Variants in NELL1 observed in about 807,000 individuals in gnomAD.
NELL1 encodes protein kinase C-binding protein NELL1.
NELL1 carries 76 observed loss-of-function variants against 107.4 expected under a neutral mutation model. The ratio of observed to expected loss-of-function variants is 0.71; its 90% CI spans 0.59 to 0.86. The LOEUF (loss-of-function observed/expected upper bound fraction) is 0.86. Ranked by LOEUF, NELL1 falls within the 40% of genes least tolerant of loss-of-function variation. The probability of loss-of-function intolerance (pLI) is 0.00; values close to 1 mark genes in which losing one functional copy is unlikely to be tolerated. For missense variants in NELL1, 1,024 were observed against 1,005.5 expected (o/e 1.02, Z -0.25); for synonymous variants, 353 against 341.2 (o/e 1.03, Z -0.38).
intron 12 of NELL1, among the ~76,000 whole-genome samples, chr11:21,085,935 G>A (rs1854381356): frequency 6.6e-6 from 1 of 152,216 alleles, no homozygotes; most frequent in South Asian, 2.1e-4. Flanking sequence ...TGAACTTTGA[G>A]GAATGAGTTG....
intron 12 of NELL1, among the ~76,000 whole-genome samples, chr11:21,048,711 G>A (rs533378316): frequency 6.6e-6 from 1 of 152,260 alleles, no homozygotes; most frequent in East Asian, 1.9e-4. Flanking sequence ...ACTACCTTAC[G>A]ATTCTTAGGC....
chr11:21,234,452 G>T (rs1369373531), intron 14 of NELL1, among the ~76,000 whole-genome samples: 1 of 152,156 alleles, frequency 6.6e-6, no homozygotes, highest in Non-Finnish European at 1.5e-5. Context: ...TCCCTGACCA[G>T]TGCACCATGA....
intron 9 of NELL1, among the ~76,000 whole-genome samples, chr11:20,933,981 T>C (rs1850671005): frequency 6.6e-6 from 1 of 152,236 alleles, no homozygotes; most frequent in Non-Finnish European, 1.5e-5. Context: ...ACCAGTGTGA[T>C]ATGAAGAGCT....
rs532137161 is a variant in NELL1 at position 20,800,907 on chromosome 11, G to A, written c.335+17077G>A. Reference sequence around the variant, plus strand: ...CAGGCCATAGTTGGCTTGTAGAAGGGCTTTCCTTGGTTGTGATGGCTTCCA... The same window carrying A: ...CAGGCCATAGTTGGCTTGTAGAAGGACTTTCCTTGGTTGTGATGGCTTCCA... On this transcript the variant is annotated intron_variant, in intron 3 of 19. Coordinates refer to ENST00000357134, the MANE Select transcript of NELL1 (RefSeq NM_006157.5). 6.7e-4 allele frequency among the ~76,000 whole-genome samples: 102 copies of A among 152,190 alleles called. No homozygotes were observed. The South Asian group carries it at 0.021, about 31-fold the overall frequency.
intron 16 of NELL1, 101 bp from the exon 17 acceptor site, chr11:21,560,088 A>C: frequency 9.1e-7 from 1 of 1,102,340 alleles, no homozygotes. Flanking sequence ...AGCACAAGGT[A>C]AATGGTCGAT....
chr11:20,701,893 G>T (rs1854800763), intron 2 of NELL1, among the ~76,000 whole-genome samples: 1 of 152,168 alleles, frequency 6.6e-6, no homozygotes, highest in Admixed American at 6.6e-5. Flanking sequence ...CCAGTACCAT[G>T]CTGTTTTGGT....
At chr11:20,781,511 T>C (rs969980944) in intron 2 of NELL1, among the ~76,000 whole-genome samples, 2 of 152,170 alleles carry the variant, frequency 1.3e-5, no homozygotes, top group Admixed American at 6.5e-5. Context: ...TGATAGGATA[T>C]TCATATCCAT....
chr11:21,367,143 A>G (rs1449602843), intron 14 of NELL1, among the ~76,000 whole-genome samples: 1 of 152,030 alleles, frequency 6.6e-6, no homozygotes, highest in African/African-American at 2.4e-5. Context: ...GCACAATGAA[A>G]AGAGTTCTTT....
At chr11:21,155,876 G>T (rs895664344) in intron 13 of NELL1, among the ~76,000 whole-genome samples, 17 of 152,160 alleles carry the variant, frequency 1.1e-4, no homozygotes, top group Non-Finnish European at 8.8e-5. Flanking sequence ...ATACCTTTAG[G>T]TGAAGACAAG....
chr11:20,889,954 A>G (rs963322436), intron 5 of NELL1, among the ~76,000 whole-genome samples: 9 of 152,172 alleles, frequency 5.9e-5, no homozygotes, highest in Admixed American at 3.9e-4. Context: ...CGGGCAGTCT[A>G]GACGAGTAGG....
intron 15 of NELL1, among the ~76,000 whole-genome samples, chr11:21,516,165 T>C (rs1855556719): frequency 6.6e-6 from 1 of 152,188 alleles, no homozygotes; most frequent in South Asian, 2.1e-4. Flanking sequence ...TGCACCATTC[T>C]GTGGCCTTGG....
intron 14 of NELL1, among the ~76,000 whole-genome samples, chr11:21,246,090 G>A (rs1245529073): frequency 6.6e-6 from 1 of 152,016 alleles, no homozygotes; most frequent in Non-Finnish European, 1.5e-5. Flanking sequence ...ATACCTGCAA[G>A]CCCACCCATA....
chr11:20,849,863 A>G (rs1412333397), intron 4 of NELL1, among the ~76,000 whole-genome samples: 1 of 152,216 alleles, frequency 6.6e-6, no homozygotes, highest in African/African-American at 2.4e-5. Context: ...TATTAAAAAA[A>G]TGGATAACCA....
Position 20,783,738 on chromosome 11 carries a change from C to G in NELL1, c.243C>G (p.Phe81Leu). 6.2e-7 allele frequency: 1 copy of G among 1,613,894 alleles called. No homozygotes were observed. Among genetic ancestry groups the G allele is most frequent in the Admixed American group, 1.7e-5 (1 of 60,004 alleles). The change falls in exon 3 of 20, where the codon TTC becomes TTG. Residue 81 changes from phenylalanine (F) to leucine (L), a missense_variant. Phe to Leu is a conservative substitution (Grantham distance 22). Transcript: ENST00000357134. The part of the protein sequence containing the change: ...PHVSEKLIQL[F>L]RNKSEFTILA... ...TGAGTGAGAAATTAATTCAGCTGTT[C>G]CGGAACAAGAGTGAATTCACCATTT... is the stretch of plus-strand genomic sequence containing the variant.
chr11:21,035,850 C>T (rs1853078498), intron 12 of NELL1, among the ~76,000 whole-genome samples: 1 of 152,144 alleles, frequency 6.6e-6, no homozygotes, highest in African/African-American at 2.4e-5. Context: ...TCTCTCACAA[C>T]TCCTATTCAA....
intron 14 of NELL1, among the ~76,000 whole-genome samples, chr11:21,336,383 G>A (rs1014610758): frequency 4.0e-5 from 6 of 151,860 alleles, no homozygotes. Context: ...AGAAATTTGT[G>A]GCTTGCCCAA....
chr11:21,097,835 G>T (rs183806365), intron 12 of NELL1, among the ~76,000 whole-genome samples: 1 of 152,210 alleles, frequency 6.6e-6, no homozygotes, highest in African/African-American at 2.4e-5. Flanking sequence ...TTAAATAATT[G>T]TATATTAGTT....
intron 14 of NELL1, among the ~76,000 whole-genome samples, chr11:21,300,673 A>G (rs1849473209): frequency 6.6e-6 from 1 of 151,986 alleles, no homozygotes; most frequent in South Asian, 2.1e-4. Context: ...GAAGGTGAGA[A>G]ATAATGACAC....
At chr11:21,082,601 C>T (rs1854294438) in intron 12 of NELL1, among the ~76,000 whole-genome samples, 1 of 152,186 alleles carries the variant, frequency 6.6e-6, no homozygotes, top group South Asian at 2.1e-4. Flanking sequence ...AAAGTCTTCT[C>T]TTCCCAACAA....
Sources: gnomAD v4.1 joint callset for allele counts (sites outside exome capture counted in the v4.1 genomes callset) on GRCh38, gnomAD v4.1.1 for gene constraint, MANE v1.5 for transcripts, NCBI Gene and HGNC (gene_info 2026-07-23, HGNC 2026-07-21) for gene names.